ST18: variants seen among roughly 807,000 people sequenced by gnomAD.
The protein encoded by ST18 is suppression of tumorigenicity 18 protein.
A neutral mutation model predicts 110.0 loss-of-function variants in ST18; 50 were observed. The ratio of observed to expected loss-of-function variants is 0.45; its 90% confidence interval spans 0.36 to 0.58. The LOEUF (loss-of-function observed/expected upper bound fraction) is 0.58. Among genes scored for constraint, ST18 ranks in the 20% least tolerant of loss-of-function variants. The pLI is 0.00. For missense variants in ST18, 1,306 were observed against 1,280.1 expected, an observed-to-expected ratio of 1.02 and a Z score of -0.31; for synonymous variants, 461 against 452.4, an observed-to-expected ratio of 1.02 and a Z score of -0.24.
intron 2 of ST18, among the ~76,000 whole-genome samples, chr8:52,237,969 A>G (rs1371084858): frequency 6.6e-6 from 1 of 152,232 alleles, no homozygotes; most frequent in African/African-American, 2.4e-5. Context: ...AAGATGTTCA[A>G]CATCATTAGT....
intron 2 of ST18, among the ~76,000 whole-genome samples, chr8:52,354,225 C>T (rs981092822): frequency 6.6e-6 from 1 of 152,166 alleles, no homozygotes. Flanking sequence ...CATGATCTAA[C>T]TTTAGTTTTA....
chr8:52,133,917 G>A (rs549208995), intron 19 of ST18, among the ~76,000 whole-genome samples: 2 of 151,968 alleles, frequency 1.3e-5, no homozygotes, highest in Non-Finnish European at 2.9e-5. Context: ...TTTTAGTAGA[G>A]ACAGGGTTTC....
At chr8:52,280,006 AAAT>A (rs1249620392) in intron 2 of ST18, among the ~76,000 whole-genome samples, 1 of 152,106 alleles carries the variant, frequency 6.6e-6, no homozygotes, top group Non-Finnish European at 1.5e-5. Flanking sequence ...ATTTTGGGGG[AAAT>A]ATTAAAGTTT....
chr8:52,305,476 A>T (rs559393869), intron 2 of ST18, among the ~76,000 whole-genome samples: 99 of 152,364 alleles, frequency 6.5e-4, no homozygotes, highest in Non-Finnish European at 1.1e-3. Context: ...TCAAAGTTGT[A>T]GCTCCTGCTT....
chr8:52,253,524 A>G (rs1425562130), intron 2 of ST18, among the ~76,000 whole-genome samples: 1 of 152,192 alleles, frequency 6.6e-6, no homozygotes, highest in Non-Finnish European at 1.5e-5. Context: ...CAAAATTATA[A>G]CTACCATACT....
At chr8:52,224,808 T>C (rs2088603415) in intron 3 of ST18, among the ~76,000 whole-genome samples, 2 of 152,252 alleles carry the variant, frequency 1.3e-5, no homozygotes, top group African/African-American at 4.8e-5. Context: ...CACACAAAAC[T>C]TCTTGTTATT....
intron 2 of ST18, among the ~76,000 whole-genome samples, chr8:52,298,494 A>G (rs192731637): frequency 6.6e-6 from 1 of 152,378 alleles, no homozygotes; most frequent in African/African-American, 2.4e-5. Flanking sequence ...TAAAAGTTAT[A>G]TATCAAAATA....
intron 23 of ST18, among the ~76,000 whole-genome samples, chr8:52,120,856 G>A (rs2044463407): frequency 6.6e-6 from 1 of 152,130 alleles, no homozygotes; most frequent in Non-Finnish European, 1.5e-5. Flanking sequence ...GTCAAGAGAA[G>A]GAGACAGACT....
At chr8:52,154,580 G>T in intron 15 of ST18, 1 of 152,242 alleles carries the variant, frequency 6.6e-6, no homozygotes, top group East Asian at 1.9e-4. Context: ...AGGAGGCCCA[G>T]CAGACCCAGG....
intron 2 of ST18, among the ~76,000 whole-genome samples, chr8:52,290,652 G>A: frequency 6.6e-6 from 1 of 152,204 alleles, no homozygotes; most frequent in South Asian, 2.1e-4. Flanking sequence ...CATGAGGTGT[G>A]GACGACCCTT....
chr8:52,164,871 T>C lies in ST18; in HGVS notation c.1295+264A>G, dbSNP rs190591077. Among the ~76,000 whole-genome samples, 88 of 152,340 alleles carry C rather than the reference T, an allele frequency of 5.8e-4. 1 individual carries two copies. The highest frequency in any genetic ancestry group is 2.0e-3 in the African/African-American group (85 of 41,582). On this transcript the variant is annotated intron_variant, in intron 12 of 25. Transcript: ENST00000689386. ...CATTCTATTTGTATGATTATATGAA[T>C]AGGTAACCACAGCAACTTCAAATAT...
intron 2 of ST18, among the ~76,000 whole-genome samples, chr8:52,272,239 G>A (rs2095098386): frequency 6.6e-6 from 1 of 152,080 alleles, no homozygotes; most frequent in Non-Finnish European, 1.5e-5. Flanking sequence ...TTCTGCCCAG[G>A]AAAGGGAACA....
In ST18 at chr8:52,209,784, A is replaced by AT. The variant is rs1399614092; in HGVS notation, c.86+2294_86+2295insA. On this transcript the variant is annotated intron_variant, in intron 8 of 25. Transcript: ENST00000689386. ...AAACTCCATCTCAAAAAAAAAAAAA[A>AT]AAAAATATATATATATATATATATA... 4.8e-4 allele frequency among the ~76,000 whole-genome samples: 67 copies of AT among 138,210 alleles called. 1 individual carries two copies. The highest frequency in any genetic ancestry group is 7.4e-3 in the Middle Eastern group (2 of 272). 90.7% of individuals were successfully genotyped at this position (138,210 alleles called of 152,430 possible). A position where few individuals can be genotyped will look rare whatever the true frequency, so the allele number is the denominator to read the frequency against.
At chr8:52,331,609 T>C (rs554873625) in intron 2 of ST18, among the ~76,000 whole-genome samples, 2 of 152,290 alleles carry the variant, frequency 1.3e-5, no homozygotes, top group East Asian at 1.9e-4. Context: ...TCAAAAATCA[T>C]AGTCACAGAG....
intron 2 of ST18, among the ~76,000 whole-genome samples, chr8:52,353,475 C>T (rs1361471272): frequency 3.3e-5 from 5 of 152,150 alleles, no homozygotes; most frequent in African/African-American, 1.2e-4. Context: ...AAAGTGTTGC[C>T]TTTGCTGCCA....
At chr8:52,265,956 C>T (rs991643111) in intron 2 of ST18, among the ~76,000 whole-genome samples, 5 of 152,040 alleles carry the variant, frequency 3.3e-5, no homozygotes, top group Non-Finnish European at 5.9e-5. Flanking sequence ...CAGGAGGTGA[C>T]GCCAGGAGAG....
intron 15 of ST18, among the ~76,000 whole-genome samples, chr8:52,153,789 C>T (rs2059372446): frequency 6.6e-6 from 1 of 152,158 alleles, no homozygotes; most frequent in Non-Finnish European, 1.5e-5. Context: ...ATAGTTGTGC[C>T]ACTCAGAGAA....
chr8:52,255,316 C>T (rs1427747313), intron 2 of ST18, among the ~76,000 whole-genome samples: 1 of 152,128 alleles, frequency 6.6e-6, no homozygotes, highest in African/African-American at 2.4e-5. Flanking sequence ...TCCAAGTGGA[C>T]ATTTGATACC....
intron 8 of ST18, among the ~76,000 whole-genome samples, chr8:52,185,828 A>G (rs1020089157): frequency 1.3e-5 from 2 of 152,014 alleles, no homozygotes; most frequent in African/African-American, 4.8e-5. Context: ...AAAATGTGAG[A>G]TATTACCTTC....
Sources: allele counts gnomAD v4.1 joint callset (sites outside exome capture counted in the v4.1 genomes callset), GRCh38; gene constraint gnomAD v4.1.1; transcripts MANE v1.5; gene names NCBI Gene and HGNC (gene_info 2026-07-23, HGNC 2026-07-21).